The following PLIN3 variants were observed in gnomAD, a reference collection of about 807,000 sequenced individuals.
The protein encoded by PLIN3 is perilipin-3.
PLIN3 carries 30 observed loss-of-function variants against 35.9 expected under a neutral mutation model. The ratio of observed to expected loss-of-function variants is 0.84; its 90% confidence interval spans 0.62 to 1.13. PLIN3 has a LOEUF of 1.13. PLIN3 is among the 50% of genes most tolerant of loss of function. The pLI is 0.00. For synonymous variants in PLIN3, 261 were observed against 262.5 expected (o/e 0.99, Z 0.06); for missense variants, 603 against 596.9 (o/e 1.01, Z -0.11).
chr19:4,839,667 C>T, intron 7 of PLIN3, 131 bp from the exon 8 acceptor site: 13 of 454,206 alleles, frequency 2.9e-5, no homozygotes, highest in South Asian at 6.6e-5. Flanking sequence ...ATAGGCGAAA[C>T]TTTTTTTTTT....
chr19:4,862,426 C>CCAGCAGGTCTT, intron 1 of PLIN3, among the ~76,000 whole-genome samples: 1 of 152,116 alleles, frequency 6.6e-6, no homozygotes, highest in Non-Finnish European at 1.5e-5. Context: ...GCCATTGTGC[C>CCAGCAGGTCTT]TGGCCAATGG....
intron 1 of PLIN3, among the ~76,000 whole-genome samples, chr19:4,865,730 G>GTTT (rs35687506): frequency 3.0e-5 from 4 of 131,350 alleles, no homozygotes; most frequent in Non-Finnish European, 3.2e-5. Flanking sequence ...TTTTTTTTTT[G>GTTT]TTTTTTTTTT....
intron 1 of PLIN3, among the ~76,000 whole-genome samples, chr19:4,864,098 A>AGTGTGTGT (rs71170861): frequency 5.7e-4 from 72 of 125,386 alleles, no homozygotes; most frequent in Middle Eastern, 4.0e-3. Flanking sequence ...ACACCTGGCT[A>AGTGTGTGT]GTGTGTGTGT....
chr19:4,859,454 G>A (rs898075330), intron 4 of PLIN3, 136 bp downstream of exon 4: 20 of 745,326 alleles, frequency 2.7e-5, no homozygotes, highest in African/African-American at 2.4e-4. Flanking sequence ...GAGTGGATTC[G>A]GGGTGGGGAT....
chr19:4,852,019 G>C lies in PLIN3; in HGVS notation c.631C>G (p.Leu211Val). The change falls in exon 5 of 8, where the codon CTG (leucine) becomes GTG (valine). Residue 211 changes from leucine (L) to valine (V), a missense_variant. By Grantham distance (32) the Leu-to-Val change is conservative (BLOSUM62 1). Transcript: ENST00000221957. ...DNHLPLTDAELARIATSLDGF... is the reference protein window; with the variant it reads ...DNHLPLTDAEVARIATSLDGF... ...GCAGCCCGCTGGCCACACTTACCCA[G>C]TTCGGCATCCGTAAGGGGCAGGTGG... 1.2e-6 allele frequency: 2 copies of C among 1,613,028 alleles called. No individual in the cohort carries two copies. Among genetic ancestry groups the C allele is most frequent in the Middle Eastern group, 1.7e-4 (1 of 6,058 alleles).
chr19:4,858,615 C>T (rs1257526303), intron 4 of PLIN3, among the ~76,000 whole-genome samples: 4 of 151,476 alleles, frequency 2.6e-5, no homozygotes, highest in Non-Finnish European at 5.9e-5. Context: ...ATCTCCTGAC[C>T]TTGTGATCCG....
intron 4 of PLIN3, among the ~76,000 whole-genome samples, chr19:4,855,461 C>T (rs2030444360): frequency 6.6e-6 from 1 of 151,958 alleles, no homozygotes; most frequent in South Asian, 2.1e-4. Context: ...AGTTTCCATC[C>T]CCCCTCAGCC....
chr19:4,844,908 G>T, intron 6 of PLIN3, 115 bp from the exon 7 acceptor site: 1 of 1,241,272 alleles, frequency 8.1e-7, no homozygotes, highest in Non-Finnish European at 1.1e-6. Flanking sequence ...CTAGAAAAGA[G>T]AAAGGGAGGG....
At chr19:4,857,393 A>C (rs2030509609) in intron 4 of PLIN3, among the ~76,000 whole-genome samples, 1 of 151,754 alleles carries the variant, frequency 6.6e-6, no homozygotes, top group Non-Finnish European at 1.5e-5. Flanking sequence ...AACATGGTGA[A>C]AACTCGTCTC....
In PLIN3 at chr19:4,839,006, T is replaced by C; in HGVS notation, c.*186A>G. 2.0e-6 allele frequency: 1 copy of C among 507,302 alleles called. No individual in the cohort carries two copies. Among genetic ancestry groups the C allele is most frequent in the South Asian group, 3.7e-5 (1 of 27,262 alleles). 31.4% of individuals were successfully genotyped at this position (507,302 alleles called of 1,614,324 possible). A position where few individuals can be genotyped will look rare whatever the true frequency, so the allele number is the denominator to read the frequency against. On this transcript the variant is annotated 3_prime_UTR_variant, in exon 8 of 8. Coordinates refer to ENST00000221957, the MANE Select transcript of PLIN3 (RefSeq NM_005817.5). ...GGCTCAGAACAGGCTTCTTCCAAGC[T>C]CAGAGAGGCTGAGAGATGGGTCAAC...
chr19:4,844,339 G>A (rs1262443081), intron 7 of PLIN3, among the ~76,000 whole-genome samples: 7 of 152,036 alleles, frequency 4.6e-5, no homozygotes, highest in African/African-American at 4.8e-5. Flanking sequence ...GGTGGTGAGC[G>A]CCTGTAATCC....
Position 4,839,487 on chromosome 19 carries a change from A to C in PLIN3, c.1010T>G (p.Leu337Arg), listed in dbSNP as rs769843955. ...LTMFRDIAQQ[L>R]QATCTSLGSS... ...CCCCAGGGAGGTACAGGTGGCCTGC[A>C]GTTGCTGGGCAATGTCCCGGAACAT... The change falls in exon 8 of 8, where the codon CTG becomes CGG. Residue 337 changes from leucine (L) to arginine (R), a missense_variant. Coordinates refer to ENST00000221957, the MANE Select transcript of PLIN3 (RefSeq NM_005817.5). 1 of 1,550,702 alleles carries C rather than the reference A, an allele frequency of 6.4e-7. No homozygotes were observed. Among genetic ancestry groups the C allele is most frequent in the African/African-American group, 1.4e-5 (1 of 73,484 alleles).
In PLIN3 at chr19:4,859,651, G is replaced by A. The variant is rs145402746; in HGVS notation, c.287C>T (p.Ala96Val). ...CTCCAACTTGTCCAGCCCCCTGTGGGCGTATTCGCTGGCTGATGCAACTGC... is the reference window on the plus strand; with the variant it reads ...CTCCAACTTGTCCAGCCCCCTGTGGACGTATTCGCTGGCTGATGCAACTGC... ...EPQIASASEY[A>V]HRGLDKLEEN... The change falls in exon 4 of 8, where the codon GCC becomes GTC. Residue 96 changes from alanine to valine, a missense_variant. Coordinates refer to ENST00000221957, the MANE Select transcript of PLIN3 (RefSeq NM_005817.5). The A allele has an allele frequency of 8.0e-5, 129 of 1,614,156 alleles. No individual in the cohort carries two copies. In the Middle Eastern group the frequency reaches 9.9e-4, roughly 12 times the overall value.
At chr19:4,851,301 C>T (rs1363140308) in intron 5 of PLIN3, among the ~76,000 whole-genome samples, 1 of 152,010 alleles carries the variant, frequency 6.6e-6, no homozygotes, top group Non-Finnish European at 1.5e-5. Flanking sequence ...CCCGTTTCTA[C>T]TAAAAATACA....
intron 7 of PLIN3, among the ~76,000 whole-genome samples, chr19:4,841,094 G>C (rs149566599): frequency 5.1e-4 from 78 of 152,272 alleles, no homozygotes; most frequent in Middle Eastern, 3.4e-3. Context: ...TTAAACCATA[G>C]AATCATCATA....
intron 1 of PLIN3, among the ~76,000 whole-genome samples, chr19:4,864,214 G>A (rs1293920169): frequency 2.0e-5 from 3 of 150,710 alleles, no homozygotes; most frequent in Non-Finnish European, 4.4e-5. Flanking sequence ...GTGCAGTGGC[G>A]TGATTTCGGC....
At position 4,838,657 on chromosome 19, in the gene PLIN3, T is replaced by G. The variant is rs1405535299; in HGVS notation, c.*535A>C. 1 of 151,306 alleles carries G rather than the reference T, an allele frequency of 6.6e-6. No homozygotes were observed. The highest frequency in any genetic ancestry group is 1.5e-5 in the Non-Finnish European group (1 of 67,998). The allele number at this position is 151,306 out of a possible 1,614,324, so 9.4% of individuals were successfully genotyped here. A position where few individuals can be genotyped will look rare whatever the true frequency, so the allele number is the denominator to read the frequency against. ...GTGCAATGGCGCGATCTTGGCTCAC[T>G]GCAACCTCCGCCTCTCAGGTTCAAG... On this transcript the variant is annotated 3_prime_UTR_variant, in exon 8 of 8. Transcript: ENST00000221957.
At chr19:4,844,877 G>A in intron 6 of PLIN3, 84 bp from the exon 7 acceptor site, 4 of 1,421,204 alleles carry the variant, frequency 2.8e-6, no homozygotes, top group Non-Finnish European at 3.8e-6. Context: ...AATCCTTCCA[G>A]CATCTGACTT....
intron 1 of PLIN3, among the ~76,000 whole-genome samples, chr19:4,864,427 G>A (rs1353959092): frequency 6.6e-6 from 1 of 151,438 alleles, no homozygotes; most frequent in Non-Finnish European, 1.5e-5. Flanking sequence ...GGGATTACAG[G>A]ATGAGTCACT....
Sources: gnomAD v4.1 joint callset for allele counts (sites outside exome capture counted in the v4.1 genomes callset) on GRCh38, gnomAD v4.1.1 for gene constraint, MANE v1.5 for transcripts, NCBI Gene and HGNC (gene_info 2026-07-23, HGNC 2026-07-21) for gene names.